The following PTPRK variants were observed in gnomAD, a reference collection of about 807,000 sequenced individuals.
PTPRK encodes receptor-type tyrosine-protein phosphatase kappa.
A neutral mutation model predicts 178.0 loss-of-function variants in PTPRK; 75 were observed. The ratio of observed to expected loss-of-function variants is 0.42; its 90% CI spans 0.35 to 0.51. PTPRK has a LOEUF of 0.51. PTPRK is among the 20% of genes least tolerant of loss of function. PTPRK has a pLI of 0.02. For missense variants in PTPRK, 1,441 were observed against 1,797.8 expected (o/e 0.80, Z 3.59); for synonymous variants, 637 against 620.6 (o/e 1.03, Z -0.39).
intron 2 of PTPRK, 38 bp from the exon 3 acceptor site, chr6:128,322,348 T>C (rs757201400): frequency 4.7e-6 from 7 of 1,504,214 alleles, no homozygotes; most frequent in Middle Eastern, 1.7e-4. Context: ...TAAAGAGATA[T>C]ATAAGCAAAG....
In PTPRK at chr6:128,336,041, C is replaced by A. The variant is rs886897180; in HGVS notation, c.224-13731G>T. 2.0e-5 allele frequency among the ~76,000 whole-genome samples: 3 copies of A among 152,184 alleles called. No homozygotes were observed. The East Asian group carries it at 5.8e-4, about 29-fold the overall frequency. On this transcript the variant is annotated intron_variant, in intron 2 of 29. Coordinates refer to ENST00000368226, the MANE Select transcript of PTPRK (RefSeq NM_002844.4). ...TGACCAATGGTGAGGAAAGGAAGAG[C>A]AAGCAAATACTTCTCTGATTGTAGC... is the stretch of plus-strand genomic sequence containing the variant.
intron 1 of PTPRK, among the ~76,000 whole-genome samples, chr6:128,457,456 C>T (rs1848537839): frequency 6.6e-6 from 1 of 152,064 alleles, no homozygotes; most frequent in African/African-American, 2.4e-5. Context: ...AGACTTAGTC[C>T]ATCAACTGCT....
intron 13 of PTPRK, among the ~76,000 whole-genome samples, chr6:128,026,251 T>A (rs1424702111): frequency 6.6e-6 from 1 of 152,216 alleles, no homozygotes. Context: ...TACCAGAACC[T>A]CTTACAATTC....
chr6:128,394,377 G>A (rs1157816992), intron 2 of PTPRK, among the ~76,000 whole-genome samples: 2 of 152,144 alleles, frequency 1.3e-5, no homozygotes, highest in Non-Finnish European at 1.5e-5. Context: ...GTCCTGCTGG[G>A]CTTATACCCA....
At chr6:128,443,291 A>G (rs1846518334) in intron 1 of PTPRK, among the ~76,000 whole-genome samples, 1 of 152,100 alleles carries the variant, frequency 6.6e-6, no homozygotes, top group African/African-American at 2.4e-5. Context: ...TCTGCCAGGT[A>G]CCTGGAGGAG....
At chr6:128,358,448 T>C (rs1447421810) in intron 2 of PTPRK, among the ~76,000 whole-genome samples, 4 of 152,190 alleles carry the variant, frequency 2.6e-5, no homozygotes. Context: ...ATGAAAACAC[T>C]GCTCCAACCA....
chr6:128,070,849 T>A (rs1217235881), intron 11 of PTPRK, among the ~76,000 whole-genome samples: 1 of 151,710 alleles, frequency 6.6e-6, no homozygotes, highest in Non-Finnish European at 1.5e-5. Context: ...ATATGTGGTT[T>A]CAAATAGGAT....
chr6:128,105,552 A>G (rs1292511098), intron 7 of PTPRK, among the ~76,000 whole-genome samples: 1 of 152,244 alleles, frequency 6.6e-6, no homozygotes, highest in Admixed American at 6.5e-5. Flanking sequence ...TGAGCATAAA[A>G]TATCAAAATA....
chr6:128,289,101 T>C (rs1562214799), intron 3 of PTPRK, among the ~76,000 whole-genome samples: 1 of 152,112 alleles, frequency 6.6e-6, no homozygotes, highest in Non-Finnish European at 1.5e-5. Flanking sequence ...ATATATATTA[T>C]AAATTAACAT....
At chr6:128,257,985 A>G (rs1441010088) in intron 3 of PTPRK, among the ~76,000 whole-genome samples, 1 of 152,200 alleles carries the variant, frequency 6.6e-6, no homozygotes, top group Non-Finnish European at 1.5e-5. Flanking sequence ...CTTTATTGTC[A>G]TGGCTCATAA....
At chr6:128,497,921 A>T (rs1224072917) in intron 1 of PTPRK, among the ~76,000 whole-genome samples, 3 of 152,210 alleles carry the variant, frequency 2.0e-5, no homozygotes, top group Non-Finnish European at 2.9e-5. Flanking sequence ...GTATATTACG[A>T]AGTATTTTTA....
intron 13 of PTPRK, among the ~76,000 whole-genome samples, chr6:128,043,465 A>G (rs1340593018): frequency 1.3e-5 from 2 of 152,084 alleles, no homozygotes; most frequent in African/African-American, 4.8e-5. Flanking sequence ...ATTTTGAAAA[A>G]GAAATATGAA....
At chr6:128,080,421 G>A (rs1297058900) in intron 10 of PTPRK, among the ~76,000 whole-genome samples, 1 of 152,044 alleles carries the variant, frequency 6.6e-6, no homozygotes, top group Non-Finnish European at 1.5e-5. Context: ...GAAATGCAGT[G>A]AAGATGGGTA....
At chr6:128,155,132 T>C (rs1290227902) in intron 7 of PTPRK, among the ~76,000 whole-genome samples, 1 of 151,788 alleles carries the variant, frequency 6.6e-6, no homozygotes, top group African/African-American at 2.4e-5. Context: ...ATTTCTTTGC[T>C]TAGTATTATT....
At chr6:128,483,586 C>T (rs988357227) in intron 1 of PTPRK, among the ~76,000 whole-genome samples, 2 of 152,072 alleles carry the variant, frequency 1.3e-5, no homozygotes, top group Non-Finnish European at 2.9e-5. Context: ...AGGTCCAAAA[C>T]ATAGTAATGG....
chr6:128,221,970 A>G (rs760393246), intron 5 of PTPRK, among the ~76,000 whole-genome samples: 9 of 152,012 alleles, frequency 5.9e-5, no homozygotes, highest in Non-Finnish European at 1.2e-4. Context: ...TGGAAGGCCC[A>G]CCACGCTGCT....
At chr6:128,013,952 C>T (rs1309634742) in intron 13 of PTPRK, among the ~76,000 whole-genome samples, 1 of 151,536 alleles carries the variant, frequency 6.6e-6, no homozygotes, top group African/African-American at 2.4e-5. Context: ...CCTCCAATAG[C>T]TTCCCATTGC....
chr6:128,490,243 T>C (rs1460744459), intron 1 of PTPRK, among the ~76,000 whole-genome samples: 2 of 152,218 alleles, frequency 1.3e-5, no homozygotes, highest in Non-Finnish European at 2.9e-5. Flanking sequence ...AAAATGAAGC[T>C]GAGTTTTGCT....
intron 1 of PTPRK, among the ~76,000 whole-genome samples, chr6:128,419,558 G>A (rs551387707): frequency 7.0e-4 from 106 of 151,550 alleles, no homozygotes; most frequent in Admixed American, 6.9e-3. Flanking sequence ...GCAGTGAGCA[G>A]AGATTGCGCC....
Sources: allele counts gnomAD v4.1 joint callset (sites outside exome capture counted in the v4.1 genomes callset), GRCh38; gene constraint gnomAD v4.1.1; transcripts MANE v1.5; gene names NCBI Gene and HGNC (gene_info 2026-07-23, HGNC 2026-07-21).